Variants in CBX5 observed in about 807,000 individuals in gnomAD.
CBX5 encodes chromobox protein homolog 5.
CBX5 carries 7 observed loss-of-function variants against 20.7 expected under a neutral mutation model. The observed-to-expected ratio is 0.34, with a 90% confidence interval of 0.19 to 0.63. CBX5 has a LOEUF of 0.63. Ranked by LOEUF, CBX5 falls within the 30% of genes least tolerant of loss-of-function variation. CBX5 has a pLI of 0.75. For missense variants in CBX5, 110 were observed against 224.1 expected (o/e 0.49, Z 3.25); for synonymous variants, 78 against 77.0 (o/e 1.01, Z -0.07).
At chr12:54,257,801 T>C (rs1168229410) in intron 1 of CBX5, 109 bp from the exon 2 acceptor site, 10 of 709,824 alleles carry the variant, frequency 1.4e-5, no homozygotes, top group East Asian at 2.6e-5. Context: ...TGTGCCCTGC[T>C]CTTGAGTCTC....
chr12:54,269,071 T>C (rs1254076326), intron 1 of CBX5, among the ~76,000 whole-genome samples: 1 of 152,084 alleles, frequency 6.6e-6, no homozygotes, highest in African/African-American at 2.4e-5. Flanking sequence ...CCATCCCAGC[T>C]AACACGGTGA....
At position 54,241,680 on chromosome 12, in the gene CBX5, G is replaced by A; in HGVS notation, c.*75C>T. The stretch of plus-strand genomic sequence containing the variant: ...ATGGATGTGTTTAGGATAGAAAGGG[G>A]TGGGTAGAAAGGAGAGGAGGCAGGG... On this transcript the variant is annotated 3_prime_UTR_variant, in exon 5 of 5. Transcript: ENST00000209875. The A allele has an allele frequency of 1.4e-6, 2 of 1,392,310 alleles. No individual in the cohort carries two copies. Among genetic ancestry groups the A allele is most frequent in the South Asian group, 2.7e-5 (2 of 74,240 alleles). 86.2% of individuals were successfully genotyped at this position (1,392,310 alleles called of 1,614,324 possible). A position where few individuals can be genotyped will look rare whatever the true frequency, so the allele number is the denominator to read the frequency against.
In CBX5 at chr12:54,234,541, C is replaced by A. The variant is rs1943600694; in HGVS notation, c.*7214G>T. ...TGGCCTAATTTCTTGATAATAGTTT[C>A]CTATTAGATTTTCCGATTAATACTG... On this transcript the variant is annotated 3_prime_UTR_variant, in exon 5 of 5. Coordinates refer to ENST00000209875, the MANE Select transcript of CBX5 (RefSeq NM_012117.3). 1 of 152,166 alleles carries A rather than the reference C, an allele frequency of 6.6e-6. No homozygotes were observed. Among genetic ancestry groups the A allele is most frequent in the South Asian group, 2.1e-4 (1 of 4,832 alleles). 9.4% of individuals were successfully genotyped at this position (152,166 alleles called of 1,614,324 possible). A position where few individuals can be genotyped will look rare whatever the true frequency, so the allele number is the denominator to read the frequency against.
rs1416300403 is a variant in CBX5, at chr12:54,232,642, G to A, written c.*9113C>T. On this transcript the variant is annotated 3_prime_UTR_variant, in exon 5 of 5. Transcript: ENST00000209875. ...ACTTGGGAGCAGAGGGAAGTTGGCAGGATACACCTCATTCCACAAACTAGA... is the reference window on the plus strand; with the variant it reads ...ACTTGGGAGCAGAGGGAAGTTGGCAAGATACACCTCATTCCACAAACTAGA... 6.6e-6 allele frequency: 1 copy of A among 151,454 alleles called. No individual in the cohort carries two copies. The highest frequency in any genetic ancestry group is 1.9e-4 in the East Asian group (1 of 5,182). The allele number at this position is 151,454 out of a possible 1,614,324, so 9.4% of individuals were successfully genotyped here.
Position 54,241,231 on chromosome 12 carries a change from G to A in CBX5, c.*524C>T, listed in dbSNP as rs1160015574. 6.6e-6 allele frequency: 1 copy of A among 152,396 alleles called. No homozygotes were observed. The highest frequency in any genetic ancestry group is 1.5e-5 in the Non-Finnish European group (1 of 68,238). The allele number at this position is 152,396 out of a possible 1,614,324, so 9.4% of individuals were successfully genotyped here. On this transcript the variant is annotated 3_prime_UTR_variant, in exon 5 of 5. Coordinates refer to ENST00000209875, the MANE Select transcript of CBX5 (RefSeq NM_012117.3). ...ACCCTGTATTCTCCTGGGTAGAGCT[G>A]AACAAGGTTGGGAAAGCCCCAACAG... is the stretch of plus-strand genomic sequence containing the variant.
intron 1 of CBX5, chr12:54,278,609 T>C (rs1296945246): frequency 1.3e-5 from 2 of 152,232 alleles, no homozygotes; most frequent in Non-Finnish European, 2.9e-5. Context: ...AGTAAGACTC[T>C]GATACAGCCA....
In CBX5 at chr12:54,238,329, T is replaced by C. The variant is rs968643260; in HGVS notation, c.*3426A>G. On this transcript the variant is annotated 3_prime_UTR_variant, in exon 5 of 5. Transcript: ENST00000209875. ...TCAGCCATTTAACCAGGGCTACGGA[T>C]CAAAAAGGAAAAAATACAGTCAGTG... 2 of 151,914 alleles carry C rather than the reference T, an allele frequency of 1.3e-5. No homozygotes were observed. Among genetic ancestry groups the C allele is most frequent in the Non-Finnish European group, 2.9e-5 (2 of 67,982 alleles). 9.4% of individuals were successfully genotyped at this position (151,914 alleles called of 1,614,324 possible). A position where few individuals can be genotyped will look rare whatever the true frequency, so the allele number is the denominator to read the frequency against.
chr12:54,251,444 G>A (rs956500950), intron 3 of CBX5, among the ~76,000 whole-genome samples: 3 of 149,452 alleles, frequency 2.0e-5, no homozygotes, highest in Non-Finnish European at 4.4e-5. Context: ...GCGTGAACCC[G>A]GGAGGCAGAG....
chr12:54,245,419 G>C (rs567716674), intron 4 of CBX5, among the ~76,000 whole-genome samples: 12 of 152,190 alleles, frequency 7.9e-5, no homozygotes, highest in Non-Finnish European at 1.3e-4. Flanking sequence ...ACCAATAATT[G>C]GTATCAGTTA....
chr12:54,242,386 G>T (rs1024643137), intron 4 of CBX5, among the ~76,000 whole-genome samples: 4 of 152,002 alleles, frequency 2.6e-5, no homozygotes, highest in Non-Finnish European at 5.9e-5. Flanking sequence ...TTAGCCGGGC[G>T]TGGTGGCGGG....
At chr12:54,244,064 G>A (rs1003648841) in intron 4 of CBX5, among the ~76,000 whole-genome samples, 2 of 151,208 alleles carry the variant, frequency 1.3e-5, no homozygotes, top group Admixed American at 6.6e-5. Flanking sequence ...TGCAGTGACA[G>A]GATCTCGGCT....
intron 1 of CBX5, among the ~76,000 whole-genome samples, chr12:54,265,920 G>A (rs1052380160): frequency 1.3e-5 from 2 of 151,832 alleles, no homozygotes; most frequent in East Asian, 3.9e-4. Context: ...GGCGGTGCAC[G>A]TCTATAATCC....
intron 1 of CBX5, among the ~76,000 whole-genome samples, chr12:54,269,805 T>C (rs1943992807): frequency 6.6e-6 from 1 of 152,206 alleles, no homozygotes; most frequent in African/African-American, 2.4e-5. Flanking sequence ...GGTCTCATTA[T>C]GTTTCCTGGG....
chr12:54,269,122 T>C (rs1943984115), intron 1 of CBX5, among the ~76,000 whole-genome samples: 1 of 151,914 alleles, frequency 6.6e-6, no homozygotes. Context: ...CAGCCAGGCG[T>C]GGTGGCACGT....
At chr12:54,260,733 A>G (rs1054654220) in intron 1 of CBX5, among the ~76,000 whole-genome samples, 5 of 152,158 alleles carry the variant, frequency 3.3e-5, no homozygotes, top group Non-Finnish European at 7.3e-5. Flanking sequence ...AGGATAAATA[A>G]AAAAGATATA....
chr12:54,247,563 G>A (rs553803047), intron 3 of CBX5, among the ~76,000 whole-genome samples: 1 of 152,280 alleles, frequency 6.6e-6, no homozygotes, highest in Non-Finnish European at 1.5e-5. Flanking sequence ...TAATTCATGA[G>A]ATGAGTATTG....
intron 1 of CBX5, among the ~76,000 whole-genome samples, chr12:54,258,984 T>C (rs1943888891): frequency 6.6e-6 from 1 of 152,144 alleles, no homozygotes; most frequent in Admixed American, 6.5e-5. Context: ...TTGGAGACCA[T>C]ATCTCCAGAA....
At chr12:54,244,469 G>A (rs977865393) in intron 4 of CBX5, among the ~76,000 whole-genome samples, 6 of 151,952 alleles carry the variant, frequency 3.9e-5, no homozygotes, top group African/African-American at 1.5e-4. Flanking sequence ...TGGGCGCAGT[G>A]GCTCACACCT....
intron 2 of CBX5, among the ~76,000 whole-genome samples, chr12:54,255,205 T>A (rs964091343): frequency 2.6e-5 from 4 of 152,070 alleles, no homozygotes; most frequent in Non-Finnish European, 4.4e-5. Context: ...GGCAGGCAGA[T>A]CGCTTGAACC....
Sources: allele counts gnomAD v4.1 joint callset (sites outside exome capture counted in the v4.1 genomes callset), GRCh38; gene constraint gnomAD v4.1.1; transcripts MANE v1.5; gene names NCBI Gene and HGNC (gene_info 2026-07-23, HGNC 2026-07-21).